Variants in CHODL observed in about 807,000 individuals in gnomAD.
The protein encoded by CHODL is transmembrane protein MT75.
A neutral mutation model predicts 34.5 loss-of-function variants in CHODL; 29 were observed. The ratio of observed to expected loss-of-function variants is 0.84; its 90% CI spans 0.63 to 1.15. CHODL has a LOEUF of 1.15. Ranked by LOEUF, CHODL falls within the 50% of genes most tolerant of loss-of-function variation. The pLI, the probability that CHODL is intolerant of heterozygous loss-of-function variation, is 0.00. For missense variants in CHODL, 332 were observed against 332.5 expected (o/e 1.00, Z 0.01); for synonymous variants, 125 against 116.1 (o/e 1.08, Z -0.49).
At chr21:17,970,447 A>G (rs2063605661) in intron 1 of CHODL, among the ~76,000 whole-genome samples, 2 of 152,176 alleles carry the variant, frequency 1.3e-5, no homozygotes, top group African/African-American at 2.4e-5. Flanking sequence ...CATTCATTTC[A>G]TGAATGATGT....
At position 17,960,578 on chromosome 21, in the gene CHODL, T is replaced by G. The variant is rs1240701808; in HGVS notation, c.-145+43178T>G. ...TTCTTGGCATTCCAGAAGCCAAGTTTTGGTCTCTTTGCTCACCAACTGTCA... is the reference window on the plus strand; with the variant it reads ...TTCTTGGCATTCCAGAAGCCAAGTTGTGGTCTCTTTGCTCACCAACTGTCA... On this transcript the variant is annotated intron_variant, in intron 1 of 6. Coordinates refer to the CHODL transcript ENST00000400127. 5.9e-5 allele frequency among the ~76,000 whole-genome samples: 9 copies of G among 152,222 alleles called. No individual in the cohort carries two copies. The South Asian group carries it at 1.2e-3, about 21-fold the overall frequency.
chr21:18,128,012 C>T (rs192447943), intron 2 of CHODL, among the ~76,000 whole-genome samples: 2 of 151,942 alleles, frequency 1.3e-5, no homozygotes, highest in East Asian at 3.9e-4. Context: ...ATTCAAGAAT[C>T]TAAACAGGCA....
chr21:18,229,701 A>T (rs1163436174), intron 2 of CHODL, among the ~76,000 whole-genome samples: 1 of 152,090 alleles, frequency 6.6e-6, no homozygotes, highest in African/African-American at 2.4e-5. Flanking sequence ...CTGGGCAACA[A>T]ATATTAACTT....
rs142941060 is a variant in CHODL, at chr21:18,092,748, G to A, written c.-45+64777G>A. Among the ~76,000 whole-genome samples, 144 of 152,250 alleles carry A rather than the reference G, an allele frequency of 9.5e-4. 4 individuals are homozygous for A. In the East Asian group the frequency reaches 0.022, roughly 24 times the overall value. ...AAGAAAGAGAGTGAACTTGAAGACA[G>A]GCTATTTGAAAATACAAAGTCAGAG... is the stretch of plus-strand genomic sequence containing the variant. On this transcript the variant is annotated intron_variant, in intron 2 of 6. Transcript: ENST00000400127.
At chr21:18,139,544 T>C (rs562322790) in intron 2 of CHODL, among the ~76,000 whole-genome samples, 7 of 152,078 alleles carry the variant, frequency 4.6e-5, no homozygotes, top group Non-Finnish European at 8.8e-5. Flanking sequence ...CATTAATGGC[T>C]CATCCCAAGC....
intron 2 of CHODL, among the ~76,000 whole-genome samples, chr21:18,200,985 A>G (rs935089279): frequency 3.9e-5 from 6 of 152,202 alleles, no homozygotes; most frequent in African/African-American, 1.4e-4. Flanking sequence ...GAGCCCTGCC[A>G]ACTCCTTGAT....
At chr21:18,228,604 G>A (rs2073952261) in intron 2 of CHODL, among the ~76,000 whole-genome samples, 1 of 152,108 alleles carries the variant, frequency 6.6e-6, no homozygotes, top group Admixed American at 6.6e-5. Context: ...ATGCTCTTGG[G>A]CCAGCCTGAT....
At chr21:18,092,848 C>T (rs191336191) in intron 2 of CHODL, among the ~76,000 whole-genome samples, 109 of 152,204 alleles carry the variant, frequency 7.2e-4, no homozygotes, top group Middle Eastern at 3.4e-3. Context: ...AAGGTCAAAC[C>T]ATAGAGTTCT....
intron 1 of CHODL, among the ~76,000 whole-genome samples, chr21:18,025,574 A>G (rs1187130990): frequency 6.6e-6 from 1 of 152,100 alleles, no homozygotes; most frequent in African/African-American, 2.4e-5. Context: ...CTTAATTTTC[A>G]AGATATGACA....
chr21:18,111,224 A>C (rs566169531), intron 2 of CHODL, among the ~76,000 whole-genome samples: 14 of 152,196 alleles, frequency 9.2e-5, no homozygotes, highest in Non-Finnish European at 1.9e-4. Context: ...AGACCATCAC[A>C]ACTCAGACAG....
intron 1 of CHODL, among the ~76,000 whole-genome samples, chr21:17,979,597 T>C (rs922145503): frequency 1.3e-5 from 2 of 152,230 alleles, no homozygotes; most frequent in African/African-American, 4.8e-5. Flanking sequence ...ATTAACATTA[T>C]GGCTGAGTAA....
intron 1 of CHODL, among the ~76,000 whole-genome samples, chr21:18,249,189 A>G (rs995300750): frequency 1.4e-5 from 2 of 145,032 alleles, no homozygotes; most frequent in Non-Finnish European, 3.0e-5. Context: ...ATGCACTCAC[A>G]AACAATTTTT....
At chr21:18,242,458 TC>T (rs1360612126), upstream of CHODL, among the ~76,000 whole-genome samples, 1 of 152,158 alleles carries the variant, frequency 6.6e-6, no homozygotes, top group Admixed American at 6.5e-5. Flanking sequence ...AAGAGAAGCT[TC>T]CATCAGGGCT....
upstream of CHODL, among the ~76,000 whole-genome samples, chr21:18,243,729 G>C (rs907405670): frequency 6.6e-6 from 1 of 152,048 alleles, no homozygotes; most frequent in African/African-American, 2.4e-5. Context: ...GTCTTTCCAA[G>C]TGCTAAAATT....
At chr21:17,987,626 TA>T (rs200213855) in intron 1 of CHODL, among the ~76,000 whole-genome samples, 5,986 of 152,188 alleles carry the variant, frequency 0.039, 136 homozygotes, top group South Asian at 0.087. Context: ...GAAGAACATT[TA>T]AAAAGTAATA....
At chr21:18,179,127 T>C (rs1222742448) in intron 2 of CHODL, among the ~76,000 whole-genome samples, 1 of 152,118 alleles carries the variant, frequency 6.6e-6, no homozygotes, top group Non-Finnish European at 1.5e-5. Flanking sequence ...CTCAAGAAAC[T>C]TGAGGCCTCA....
chr21:18,237,632 A>G (rs1289958482), intron 2 of CHODL, among the ~76,000 whole-genome samples: 5 of 152,142 alleles, frequency 3.3e-5, no homozygotes, highest in African/African-American at 4.8e-5. Flanking sequence ...GAGAGTAGAC[A>G]GGGGAAAAAT....
intron 2 of CHODL, among the ~76,000 whole-genome samples, chr21:18,231,124 T>G (rs970093210): frequency 6.6e-6 from 1 of 152,142 alleles, no homozygotes; most frequent in African/African-American, 2.4e-5. Flanking sequence ...CATTGTAGCT[T>G]GCTTTTGAAG....
At chr21:18,136,105 C>CAAAAAAAAAAAAAAAAAAAAAAA (rs67552520) in intron 2 of CHODL, among the ~76,000 whole-genome samples, 1 of 89,466 alleles carries the variant, frequency 1.1e-5, no homozygotes, top group African/African-American at 4.7e-5. Context: ...GATTATGTCT[C>CAAAAAAAAAAAAAAAAAAAAAAA]AAAAAAAAAA....
Sources: allele counts gnomAD v4.1 joint callset (sites outside exome capture counted in the v4.1 genomes callset), GRCh38; gene constraint gnomAD v4.1.1; transcripts MANE v1.5; gene names NCBI Gene and HGNC (gene_info 2026-07-23, HGNC 2026-07-21).